The following PREX2 variants were observed in gnomAD, a reference collection of about 807,000 sequenced individuals.
PREX2 encodes phosphatidylinositol 3,4,5-trisphosphate-dependent Rac exchanger 2 protein.
Under a neutral mutation model 203.2 loss-of-function variants are expected in PREX2, and 107 were observed. The ratio of observed to expected loss-of-function variants is 0.53; its 90% CI spans 0.45 to 0.62. The LOEUF is 0.62. Ranked by LOEUF, PREX2 falls within the 20% of genes least tolerant of loss-of-function variation. The pLI, the probability that PREX2 is intolerant of heterozygous loss-of-function variation, is 0.00. For missense variants in PREX2, 1,777 were observed against 1,955.9 expected, an observed-to-expected ratio of 0.91 and a Z score of 1.72; for synonymous variants, 672 against 663.6, an observed-to-expected ratio of 1.01 and a Z score of -0.19.
intron 1 of PREX2, among the ~76,000 whole-genome samples, chr8:68,002,137 C>T (rs117634294): frequency 1.6e-3 from 138 of 84,934 alleles, no homozygotes; most frequent in Non-Finnish European, 2.5e-3. Context: ...GCCTTTTTTT[C>T]TTTTTCTTTC....
At chr8:68,176,021 A>G (rs928287897) in intron 35 of PREX2, among the ~76,000 whole-genome samples, 5 of 152,174 alleles carry the variant, frequency 3.3e-5, no homozygotes, top group Non-Finnish European at 5.9e-5. Context: ...AGGAAATCCC[A>G]GAACTTTATG....
At chr8:68,050,686 CTTA>C in intron 8 of PREX2, among the ~76,000 whole-genome samples, 1 of 152,188 alleles carries the variant, frequency 6.6e-6, no homozygotes, top group Admixed American at 6.5e-5. Flanking sequence ...CACATGCTCA[CTTA>C]TCTGATTCTG....
chr8:68,067,694 A>G (rs1563527349), intron 11 of PREX2, among the ~76,000 whole-genome samples: 2 of 152,000 alleles, frequency 1.3e-5, no homozygotes, highest in Admixed American at 6.6e-5. Context: ...CTTCTTTCCA[A>G]TTGAATGTCT....
At chr8:68,174,837 G>A (rs1307603869) in intron 35 of PREX2, among the ~76,000 whole-genome samples, 2 of 152,174 alleles carry the variant, frequency 1.3e-5, no homozygotes, top group Non-Finnish European at 2.9e-5. Flanking sequence ...TATAAACAGA[G>A]GCAGGTTCTT....
intron 37 of PREX2, among the ~76,000 whole-genome samples, chr8:68,198,989 A>G (rs1812452562): frequency 6.6e-6 from 1 of 152,184 alleles, no homozygotes; most frequent in South Asian, 2.1e-4. Context: ...ATCTGTATAT[A>G]TGAGTTACCT....
At chr8:68,226,395 C>T (rs141765362) in intron 39 of PREX2, among the ~76,000 whole-genome samples, 51 of 152,244 alleles carry the variant, frequency 3.3e-4, no homozygotes, top group African/African-American at 1.2e-3. Flanking sequence ...CACAGAGGGG[C>T]TGGGATCTCT....
At chr8:68,156,510 G>C (rs1331124895) in intron 34 of PREX2, among the ~76,000 whole-genome samples, 1 of 152,166 alleles carries the variant, frequency 6.6e-6, no homozygotes, top group Non-Finnish European at 1.5e-5. Flanking sequence ...TTGTAGGGGA[G>C]GAAAAATAAT....
At chr8:67,974,868 G>A (rs180732453) in intron 1 of PREX2, among the ~76,000 whole-genome samples, 48 of 152,204 alleles carry the variant, frequency 3.2e-4, no homozygotes, top group Admixed American at 2.6e-3. Flanking sequence ...TAAACAATTG[G>A]ATATTAAGTT....
chr8:68,046,084 A>G (rs1251112780), intron 8 of PREX2, among the ~76,000 whole-genome samples: 1 of 152,084 alleles, frequency 6.6e-6, no homozygotes, highest in Non-Finnish European at 1.5e-5. Context: ...ATTACCCATA[A>G]TGGGACCATC....
At chr8:68,022,801 C>T (rs956159130) in intron 4 of PREX2, among the ~76,000 whole-genome samples, 28 of 152,184 alleles carry the variant, frequency 1.8e-4, no homozygotes, top group South Asian at 4.1e-4. Flanking sequence ...CTGTACCCAC[C>T]GTTAGCACCA....
At chr8:68,056,968 G>A (rs1401219143) in intron 10 of PREX2, among the ~76,000 whole-genome samples, 3 of 152,098 alleles carry the variant, frequency 2.0e-5, no homozygotes, top group Admixed American at 2.0e-4. Context: ...CCAGCGATGG[G>A]AACACACAAC....
chr8:68,148,467 TA>T (rs1256762737), intron 34 of PREX2, among the ~76,000 whole-genome samples: 2 of 152,208 alleles, frequency 1.3e-5, no homozygotes, highest in African/African-American at 4.8e-5. Context: ...TAAGCATCTT[TA>T]AAAAAATTAT....
At chr8:68,208,435 G>T (rs2129615062) in intron 37 of PREX2, among the ~76,000 whole-genome samples, 1 of 151,838 alleles carries the variant, frequency 6.6e-6, no homozygotes, top group South Asian at 2.1e-4. Flanking sequence ...AAATGGGAAG[G>T]TTGAGGCCAC....
chr8:68,060,778 T>C lies in PREX2; in HGVS notation c.1338T>C (p.His446=). The C allele has an allele frequency of 6.3e-7, 1 of 1,578,486 alleles. No homozygotes were observed. The highest frequency in any genetic ancestry group is 1.7e-5 in the Admixed American group (1 of 58,192). ...QALLENGIIH[H]VTDKHQFKPE... ...TATTAGAAAATGGAATCATTCACCA[T>C]GGTAATTACTTTATTATTAATTACT... The change falls in exon 11 of 40, where the codon CAT becomes CAC. Residue 446 remains histidine (H), a splice_region_variant and synonymous_variant. Transcript: ENST00000288368.
intron 23 of PREX2, among the ~76,000 whole-genome samples, chr8:68,107,168 A>G (rs562292102): frequency 1.4e-4 from 22 of 152,280 alleles, no homozygotes; most frequent in African/African-American, 5.3e-4. Flanking sequence ...GAGTCAGGGA[A>G]GGCCTCCTGA....
rs371734745 is a variant in PREX2, at chr8:67,952,383, C to G, written c.-12C>G. ...ACGGCGGGCAGCGCCGCGCTGCGCA[C>G]CGCCGCCGACCATGAGCGAGGACAG... On this transcript the variant is annotated 5_prime_UTR_variant, in exon 1 of 40. Coordinates refer to ENST00000288368, the MANE Select transcript of PREX2 (RefSeq NM_024870.4). 1.1e-5 allele frequency: 17 copies of G among 1,526,698 alleles called. No homozygotes were observed. The African/African-American group carries it at 2.4e-4, about 22-fold the overall frequency. The allele number at this position is 1,526,698 out of a possible 1,614,324, so 94.6% of individuals were successfully genotyped here.
At chr8:68,087,358 GA>G (rs912720590) in intron 18 of PREX2, among the ~76,000 whole-genome samples, 2 of 151,968 alleles carry the variant, frequency 1.3e-5, no homozygotes, top group Non-Finnish European at 2.9e-5. Flanking sequence ...CTGTGTTTAT[GA>G]AAAAAATAAG....
intron 37 of PREX2, among the ~76,000 whole-genome samples, chr8:68,207,367 A>C (rs960144412): frequency 6.6e-6 from 1 of 152,202 alleles, no homozygotes; most frequent in Admixed American, 6.5e-5. Flanking sequence ...ATTAGTGAAC[A>C]CTTCTTGAGC....
chr8:68,129,369 A>G (rs1370261209), intron 31 of PREX2, among the ~76,000 whole-genome samples: 1 of 151,850 alleles, frequency 6.6e-6, no homozygotes, highest in East Asian at 1.9e-4. Flanking sequence ...TCCTCTTATG[A>G]TTCTTTATTT....
Sources: gnomAD v4.1 joint callset for allele counts (sites outside exome capture counted in the v4.1 genomes callset) on GRCh38, gnomAD v4.1.1 for gene constraint, MANE v1.5 for transcripts, NCBI Gene and HGNC (gene_info 2026-07-23, HGNC 2026-07-21) for gene names.